Variants in ATP1B4 observed in about 807,000 individuals in gnomAD.
ATP1B4 encodes ATPase Na+/K+ transporting family member beta 4.
A neutral mutation model predicts 29.6 loss-of-function variants in ATP1B4; 32 were observed. The observed-to-expected ratio is 1.08, with a 90% CI of 0.82 to 1.45. The LOEUF (loss-of-function observed/expected upper bound fraction) is 1.45, where lower values mean the gene tolerates loss of function less well. ATP1B4 is among the 40% of genes most tolerant of loss of function. The pLI, the probability that ATP1B4 is intolerant of heterozygous loss-of-function variation, is 0.00. For synonymous variants in ATP1B4, 127 were observed against 102.1 expected (o/e 1.24, Z -1.47); for missense variants, 323 against 276.2 (o/e 1.17, Z -1.20).
In ATP1B4 at chrX:120,378,744, T is replaced by C. The variant is rs1021468391; in HGVS notation, c.883T>C (p.Tyr295His). The change falls in exon 7 of 8, where the codon TAC (tyrosine) becomes CAC (histidine). Residue 295 changes from tyrosine (Y) to histidine (H), a missense_variant. Physicochemically the swap from Tyr to His is moderately conservative, Grantham distance 83 (BLOSUM62 2). Coordinates refer to ENST00000218008, the MANE Select transcript of ATP1B4 (RefSeq NM_001142447.3). ...YPESASFDLR[Y>H]YPYYGKLTHV... The stretch of plus-strand genomic sequence containing the variant: ...AGAGTCGGCTTCTTTTGACCTCCGC[T>C]ACTACCCTTACTACGGCAAACTGAC... The C allele has an allele frequency of 2.5e-6, 3 of 1,208,318 alleles. No individual in the cohort carries two copies. The highest frequency in any genetic ancestry group is 2.2e-6 in the Non-Finnish European group (2 of 894,117).
intron 1 of ATP1B4, among the ~76,000 whole-genome samples, chrX:120,366,108 C>T (rs1324196043): frequency 9.0e-6 from 1 of 111,679 alleles, no homozygotes; most frequent in Non-Finnish European, 1.9e-5. Flanking sequence ...TAGGATAAAG[C>T]TGGCTTGGAC....
chrX:120,371,226 T>C lies in ATP1B4; in HGVS notation c.562+16T>C. On this transcript the variant is annotated intron_variant, in intron 4 of 7. Transcript: ENST00000218008. The stretch of plus-strand genomic sequence containing the variant: ...TTTCTCCAGGGTAAGTAAGTTCGTC[T>C]GAATAGTGGAAAGCTCTTTTGAAAG... 1 of 1,151,918 alleles carries C rather than the reference T, an allele frequency of 8.7e-7. No individual in the cohort carries two copies. The highest frequency in any genetic ancestry group is 1.2e-6 in the Non-Finnish European group (1 of 841,893). 94.9% of individuals were successfully genotyped at this position (1,151,918 alleles called of 1,213,427 possible).
intron 5 of ATP1B4, among the ~76,000 whole-genome samples, chrX:120,375,849 T>C (rs1935681060): frequency 9.1e-6 from 1 of 110,214 alleles, no homozygotes; most frequent in Non-Finnish European, 1.9e-5. Context: ...GAGGTTATAA[T>C]CCAAGCTACT....
At chrX:120,369,212 A>G (rs2058300865) in intron 2 of ATP1B4, among the ~76,000 whole-genome samples, 1 of 112,565 alleles carries the variant, frequency 8.9e-6, no homozygotes, top group Non-Finnish European at 1.9e-5. Context: ...GGAGGCAGAA[A>G]CACAGGGCAA....
chrX:120,364,089 C>T (rs1464141655), intron 1 of ATP1B4, among the ~76,000 whole-genome samples: 1 of 110,137 alleles, frequency 9.1e-6, no homozygotes, highest in Non-Finnish European at 1.9e-5. Context: ...TAATTCTTCT[C>T]AGGAGGGTAA....
chrX:120,382,334 C>T lies in ATP1B4; in HGVS notation c.*2700C>T, dbSNP rs1198796970. 1 of 111,973 alleles carries T rather than the reference C, an allele frequency of 8.9e-6. No individual in the cohort carries two copies. Among genetic ancestry groups the T allele is most frequent in the Non-Finnish European group, 1.9e-5 (1 of 53,168 alleles). The allele number at this position is 111,973 out of a possible 1,213,427, so 9.2% of individuals were successfully genotyped here. A position where few individuals can be genotyped will look rare whatever the true frequency, so the allele number is the denominator to read the frequency against. Reference sequence around the variant, plus strand: ...AACAAACATACAATGAAACTGCCTCCTCTCAACCCATTTTCTTAACAAATT... The same window carrying T: ...AACAAACATACAATGAAACTGCCTCTTCTCAACCCATTTTCTTAACAAATT... On this transcript the variant is annotated 3_prime_UTR_variant, in exon 8 of 8. Coordinates refer to ENST00000218008, the MANE Select transcript of ATP1B4 (RefSeq NM_001142447.3).
In ATP1B4 at chrX:120,372,639, C is replaced by G. The variant is rs773007231; in HGVS notation, c.562+1429C>G. Among the ~76,000 whole-genome samples, 5 of 112,233 alleles carry G rather than the reference C, an allele frequency of 4.5e-5. No individual in the cohort carries two copies. In the South Asian group the frequency reaches 1.5e-3, roughly 33 times the overall value. Reference sequence around the variant, plus strand: ...GAAAGGCAAAATCTCAGACCACATTCTAGACCTGCTGAATCAAAATCTGCA... The same window carrying G: ...GAAAGGCAAAATCTCAGACCACATTGTAGACCTGCTGAATCAAAATCTGCA... On this transcript the variant is annotated intron_variant, in intron 4 of 7. Coordinates refer to ENST00000218008, the MANE Select transcript of ATP1B4 (RefSeq NM_001142447.3).
At position 120,377,706 on chromosome X, in the gene ATP1B4, C is replaced by T. The variant is rs185652874; in HGVS notation, c.817-972C>T. Reference sequence around the variant, plus strand: ...TTTTAATTATTATTTTTAGCTACCTCCTTACATATTTTATGTCCTTTTAAA... The same window carrying T: ...TTTTAATTATTATTTTTAGCTACCTTCTTACATATTTTATGTCCTTTTAAA... On this transcript the variant is annotated intron_variant, in intron 6 of 7. Coordinates refer to ENST00000218008, the MANE Select transcript of ATP1B4 (RefSeq NM_001142447.3). Among the ~76,000 whole-genome samples, 41 of 111,708 alleles carry T rather than the reference C, an allele frequency of 3.7e-4. No individual in the cohort carries two copies. The East Asian group carries it at 5.6e-3, about 15-fold the overall frequency.
chrX:120,372,981 C>G (rs893670515), intron 4 of ATP1B4, among the ~76,000 whole-genome samples: 1 of 112,209 alleles, frequency 8.9e-6, no homozygotes, highest in African/African-American at 3.2e-5. Flanking sequence ...GGATTCCCTG[C>G]TAAGAAAATC....
At chrX:120,378,796 A>T in intron 7 of ATP1B4, 23 bp downstream of exon 7, 4 of 1,161,811 alleles carry the variant, frequency 3.4e-6, no homozygotes, top group Non-Finnish European at 4.7e-6. Context: ...CCCTTTAGTC[A>T]TTGCTGTCAG....
intron 4 of ATP1B4, among the ~76,000 whole-genome samples, chrX:120,374,516 A>G (rs2058331299): frequency 2.5e-5 from 2 of 80,889 alleles, no homozygotes; most frequent in Admixed American, 3.1e-4. Context: ...ACCCTTATAT[A>G]TACCATATAC....
At chrX:120,372,515 G>A (rs1276471589) in intron 4 of ATP1B4, among the ~76,000 whole-genome samples, 1 of 112,090 alleles carries the variant, frequency 8.9e-6, no homozygotes, top group Non-Finnish European at 1.9e-5. Context: ...TCTGGCAGCA[G>A]AACCAGTGTT....
At chrX:120,365,847 G>A (rs1209554224) in intron 1 of ATP1B4, among the ~76,000 whole-genome samples, 1 of 112,033 alleles carries the variant, frequency 8.9e-6, no homozygotes, top group African/African-American at 3.2e-5. Flanking sequence ...AGCATAGGGG[G>A]AGACTAAGGA....
chrX:120,366,724 T>C lies in ATP1B4; in HGVS notation c.263T>C (p.Ile88Thr). The change falls in exon 2 of 8, where the codon ATC becomes ACC. Residue 88 changes from isoleucine (I) to threonine (T), a missense_variant. Transcript: ENST00000218008. ...TGNAWWQKLQ[I>T]MSEYLWDPER... ...AATGCCTGGTGGCAGAAATTGCAGATCATGAGTGAATACCTGTGGGATCCA... is the reference window on the plus strand; with the variant it reads ...AATGCCTGGTGGCAGAAATTGCAGACCATGAGTGAATACCTGTGGGATCCA... 1 of 1,211,525 alleles carries C rather than the reference T, an allele frequency of 8.3e-7. No individual in the cohort carries two copies. The highest frequency in any genetic ancestry group is 1.7e-5 in the African/African-American group (1 of 57,715).
rs759003249 is a variant in ATP1B4, at chrX:120,376,400, G to C, written c.780G>C (p.Glu260Asp). The C allele has an allele frequency of 2.5e-6, 3 of 1,209,193 alleles. No homozygotes were observed. The East Asian group carries it at 8.9e-5, about 36-fold the overall frequency. The stretch of plus-strand genomic sequence containing the variant: ...GATAGATTGTAGGCTTTCGTCCTGA[G>C]CTTGGAGATCCTGTGAAGGTTTCCT... ...KMNRIVGFRP[E>D]LGDPVKVSCK... Residue 260 changes from glutamate (E) to aspartate (D), a missense_variant, in exon 6 of 8, where the codon GAG becomes GAC. By Grantham distance (45) the Glu-to-Asp change is conservative. Coordinates refer to ENST00000218008, the MANE Select transcript of ATP1B4 (RefSeq NM_001142447.3).
intron 4 of ATP1B4, among the ~76,000 whole-genome samples, chrX:120,371,783 C>T (rs2058314821): frequency 8.9e-6 from 1 of 112,096 alleles, no homozygotes; most frequent in South Asian, 3.7e-4. Flanking sequence ...ATTATCCTGC[C>T]TCAGCCTCCT....
intron 4 of ATP1B4, among the ~76,000 whole-genome samples, chrX:120,374,577 A>T (rs1394951590): frequency 5.5e-5 from 3 of 55,042 alleles, no homozygotes; most frequent in African/African-American, 2.1e-4. Flanking sequence ...ATATACCCTT[A>T]TATATAATAT....
In ATP1B4 at chrX:120,366,646, A is replaced by G; in HGVS notation, c.185A>G (p.Glu62Gly). The part of the protein sequence containing the change: ...EEEEEEEEKE[E>G]EEEEEKEEEE... ...GAGGAAGAAGAGGAGGAGAAAGAAG[A>G]GGAGGAAGAGGAGGAAAAGGAGGAG... The change falls in exon 2 of 8, where the codon GAG (glutamate) becomes GGG (glycine). Residue 62 changes from glutamate to glycine, a missense_variant. By Grantham distance (98) the Glu-to-Gly change is moderately conservative. Transcript: ENST00000218008. 6.6e-6 allele frequency: 8 copies of G among 1,207,642 alleles called. No individual in the cohort carries two copies. The highest frequency in any genetic ancestry group is 9.0e-6 in the Non-Finnish European group (8 of 892,488).
chrX:120,370,255 A>C (rs756073153), intron 2 of ATP1B4, among the ~76,000 whole-genome samples: 2 of 112,171 alleles, frequency 1.8e-5, no homozygotes, highest in African/African-American at 3.2e-5. Flanking sequence ...ATTCATCAAA[A>C]GTTTGAATTA....
Sources: allele counts gnomAD v4.1 joint callset (sites outside exome capture counted in the v4.1 genomes callset), GRCh38; gene constraint gnomAD v4.1.1; transcripts MANE v1.5; gene names NCBI Gene and HGNC (gene_info 2026-07-23, HGNC 2026-07-21).